The following ROBO2 variants were observed in gnomAD, a reference collection of about 807,000 sequenced individuals.
ROBO2 encodes the protein roundabout guidance receptor 2, also known as roundabout homolog 2.
A neutral mutation model predicts 160.8 loss-of-function variants in ROBO2; 53 were observed. The ratio of observed to expected loss-of-function variants is 0.33; its 90% CI spans 0.26 to 0.41. The LOEUF is 0.41. Among genes scored for constraint, ROBO2 ranks in the 10% least tolerant of loss-of-function variants. The pLI, the probability that ROBO2 is intolerant of heterozygous loss-of-function variation, is 1.00. For synonymous variants in ROBO2, 664 were observed against 611.7 expected, an observed-to-expected ratio of 1.09 and a Z score of -1.26; for missense variants, 1,577 against 1,722.4, an observed-to-expected ratio of 0.92 and a Z score of 1.49.
At chr3:76,218,727 G>T (rs975798456) in intron 2 of ROBO2, among the ~76,000 whole-genome samples, 11 of 152,110 alleles carry the variant, frequency 7.2e-5, no homozygotes, top group East Asian at 1.9e-4. Flanking sequence ...TCGTGAAAAT[G>T]GCCATACTGC....
intron 2 of ROBO2, among the ~76,000 whole-genome samples, chr3:76,360,864 A>G (rs544351063): frequency 1.6e-4 from 25 of 152,150 alleles, no homozygotes; most frequent in Admixed American, 4.6e-4. Context: ...CATTGTGAAC[A>G]TGAGGATTAA....
intron 2 of ROBO2, among the ~76,000 whole-genome samples, chr3:76,438,623 C>G (rs1387060203): frequency 1.3e-5 from 2 of 151,822 alleles, no homozygotes; most frequent in Non-Finnish European, 2.9e-5. Flanking sequence ...AGATTAAATT[C>G]CAGACTGTGT....
intron 2 of ROBO2, among the ~76,000 whole-genome samples, chr3:76,668,084 TTC>T (rs2092122611): frequency 6.6e-6 from 1 of 152,124 alleles, no homozygotes; most frequent in Non-Finnish European, 1.5e-5. Flanking sequence ...ACCAAAATAC[TTC>T]TCTCTCTTAG....
chr3:77,480,981 G>A, intron 3 of ROBO2, 118 bp from the exon 4 acceptor site: 1 of 907,400 alleles, frequency 1.1e-6, no homozygotes, highest in Admixed American at 2.2e-5. Flanking sequence ...TAATGGGAGA[G>A]TTTTTTCCTT....
chr3:77,266,046 A>G (rs79521328), intron 2 of ROBO2, among the ~76,000 whole-genome samples: 1 of 152,328 alleles, frequency 6.6e-6, no homozygotes, highest in East Asian at 1.9e-4. Context: ...GACATGTTCC[A>G]AAAGATTACC....
chr3:76,628,204 CACTTAAT>C (rs1416543151), intron 2 of ROBO2, among the ~76,000 whole-genome samples: 1 of 152,010 alleles, frequency 6.6e-6, no homozygotes, highest in Non-Finnish European at 1.5e-5. Flanking sequence ...TTTCAGTTCC[CACTTAAT>C]ACTTGTCGAC....
rs147341582 is a variant in ROBO2 at position 76,493,382 on chromosome 3, C to T, written c.109+555780C>T. 4.8e-3 allele frequency among the ~76,000 whole-genome samples: 462 copies of T among 96,066 alleles called. 8 individuals are homozygous for T. Among genetic ancestry groups the T allele is most frequent in the South Asian group, 0.045 (148 of 3,280 alleles). The allele number at this position is 96,066 out of a possible 152,430, so 63.0% of individuals were successfully genotyped here. A position where few individuals can be genotyped will look rare whatever the true frequency, so the allele number is the denominator to read the frequency against. On this transcript the variant is annotated intron_variant, in intron 2 of 26. Transcript: ENST00000487694. ...ATATATATAATTGTATATACATGTA[C>T]AAAAAAGATTTCATGTACACAACAG...
intron 2 of ROBO2, among the ~76,000 whole-genome samples, chr3:76,456,787 C>T (rs2077782362): frequency 6.6e-6 from 1 of 152,134 alleles, no homozygotes; most frequent in Non-Finnish European, 1.5e-5. Flanking sequence ...TACAGTTCCA[C>T]ATGGCTGGGA....
intron 2 of ROBO2, among the ~76,000 whole-genome samples, chr3:76,083,839 A>AC (rs926773531): frequency 6.6e-6 from 1 of 152,148 alleles, no homozygotes; most frequent in African/African-American, 2.4e-5. Context: ...TAAATTGGTC[A>AC]CCAAAATTCC....
At chr3:76,395,753 T>C (rs1383687763) in intron 2 of ROBO2, among the ~76,000 whole-genome samples, 1 of 151,896 alleles carries the variant, frequency 6.6e-6, no homozygotes, top group African/African-American at 2.4e-5. Context: ...ACACATACAT[T>C]CTCCCAAGAC....
At chr3:77,117,872 T>G in intron 2 of ROBO2, among the ~76,000 whole-genome samples, 1 of 152,312 alleles carries the variant, frequency 6.6e-6, no homozygotes, top group Non-Finnish European at 1.5e-5. Flanking sequence ...AAGCTAAAAA[T>G]TATTCTTAAT....
chr3:76,256,351 C>T (rs1223236851), intron 2 of ROBO2, among the ~76,000 whole-genome samples: 3,765 of 83,564 alleles, frequency 0.045, 87 homozygotes, highest in Non-Finnish European at 0.079. Flanking sequence ...CTCTCTCTCT[C>T]TCACATACAC....
At chr3:77,191,680 A>C (rs1036029953) in intron 2 of ROBO2, among the ~76,000 whole-genome samples, 1 of 152,220 alleles carries the variant, frequency 6.6e-6, no homozygotes, top group Non-Finnish European at 1.5e-5. Flanking sequence ...ATGCTGTTCC[A>C]TTTAGTGAGA....
intron 2 of ROBO2, among the ~76,000 whole-genome samples, chr3:76,625,461 C>A (rs1228168417): frequency 2.7e-5 from 4 of 150,928 alleles, no homozygotes; most frequent in African/African-American, 9.7e-5. Flanking sequence ...ACTATGGGGG[C>A]CAAAAAAATA....
chr3:76,713,389 A>G (rs1240258892), intron 2 of ROBO2, among the ~76,000 whole-genome samples: 1 of 152,158 alleles, frequency 6.6e-6, no homozygotes, highest in South Asian at 2.1e-4. Flanking sequence ...TTTTAAAAAG[A>G]TTTTTGTTGT....
intron 2 of ROBO2, among the ~76,000 whole-genome samples, chr3:76,988,384 T>A (rs1015827410): frequency 9.9e-5 from 15 of 152,148 alleles, no homozygotes; most frequent in African/African-American, 3.6e-4. Context: ...GGTGAATAAG[T>A]CAGGCTAAAA....
intron 2 of ROBO2, among the ~76,000 whole-genome samples, chr3:77,179,963 G>T (rs1020597101): frequency 6.6e-6 from 1 of 152,104 alleles, no homozygotes; most frequent in African/African-American, 2.4e-5. Context: ...CCCATGGAAT[G>T]ACAGGTATTG....
intron 2 of ROBO2, among the ~76,000 whole-genome samples, chr3:76,599,104 T>A (rs1254455014): frequency 6.6e-6 from 1 of 152,174 alleles, no homozygotes; most frequent in Non-Finnish European, 1.5e-5. Context: ...CAGGGTTACA[T>A]GTGCAGGTTT....
chr3:77,112,127 G>A (rs2073670821), intron 2 of ROBO2, among the ~76,000 whole-genome samples: 1 of 149,962 alleles, frequency 6.7e-6, no homozygotes, highest in African/African-American at 2.5e-5. Flanking sequence ...AGGAGGCGGA[G>A]GTTGCAGTGA....
Sources: gnomAD v4.1 joint callset for allele counts (sites outside exome capture counted in the v4.1 genomes callset) on GRCh38, gnomAD v4.1.1 for gene constraint, MANE v1.5 for transcripts, NCBI Gene and HGNC (gene_info 2026-07-23, HGNC 2026-07-21) for gene names.